The following RNLS variants were observed in gnomAD, a reference collection of about 807,000 sequenced individuals.
The protein encoded by RNLS is renalase, FAD dependent amine oxidase, also known as renalase.
A neutral mutation model predicts 39.8 loss-of-function variants in RNLS; 39 were observed. That is an observed-to-expected ratio of 0.98 (90% CI 0.76 to 1.28). The LOEUF (loss-of-function observed/expected upper bound fraction) is 1.28. Among genes scored for constraint, RNLS ranks in the 50% most tolerant of loss-of-function variants. RNLS has a pLI of 0.00. For synonymous variants in RNLS, 147 were observed against 150.7 expected, an observed-to-expected ratio of 0.98 and a Z score of 0.18; for missense variants, 410 against 413.3, an observed-to-expected ratio of 0.99 and a Z score of 0.07.
At chr10:88,204,147 G>T in the RNLS span, among the ~76,000 whole-genome samples, 2 of 152,254 alleles carry the variant, frequency 1.3e-5, no homozygotes, top group Admixed American at 6.5e-5. Context: ...TCAGACCATG[G>T]TCTGTGCTTG....
chr10:88,335,671 G>A (rs1422139293), intron 5 of RNLS, among the ~76,000 whole-genome samples: 1 of 152,186 alleles, frequency 6.6e-6, no homozygotes, highest in East Asian at 1.9e-4. Context: ...GAAGCAGGTG[G>A]AATGTAGTGG....
At chr10:88,191,889 A>G in the RNLS span, among the ~76,000 whole-genome samples, 4 of 152,070 alleles carry the variant, frequency 2.6e-5, no homozygotes, top group South Asian at 8.3e-4. Flanking sequence ...TGTACTTTTG[A>G]GAACATGCCA....
intron 4 of RNLS, among the ~76,000 whole-genome samples, chr10:88,443,644 C>A (rs1841859849): frequency 6.6e-6 from 1 of 152,264 alleles, no homozygotes; most frequent in Non-Finnish European, 1.5e-5. Flanking sequence ...ATGGTCTTAG[C>A]AAATGGCACA....
the RNLS span, among the ~76,000 whole-genome samples, chr10:88,197,070 A>C: frequency 6.6e-6 from 1 of 152,190 alleles, no homozygotes; most frequent in African/African-American, 2.4e-5. Flanking sequence ...ACAGGAGATG[A>C]AAGTGCATGC....
intron 4 of RNLS, among the ~76,000 whole-genome samples, chr10:88,367,955 C>A (rs1357803774): frequency 1.3e-5 from 2 of 151,972 alleles, no homozygotes; most frequent in South Asian, 4.1e-4. Flanking sequence ...TGCCTTTTAA[C>A]CCTCTTAATA....
chr10:88,418,372 C>T (rs938401141), intron 4 of RNLS, among the ~76,000 whole-genome samples: 1 of 152,242 alleles, frequency 6.6e-6, no homozygotes, highest in Admixed American at 6.5e-5. Context: ...ACCTTGACTC[C>T]TAACACTGGG....
At chr10:88,520,864 T>C (rs578156837) in intron 4 of RNLS, among the ~76,000 whole-genome samples, 1 of 152,104 alleles carries the variant, frequency 6.6e-6, no homozygotes, top group Non-Finnish European at 1.5e-5. Flanking sequence ...GATTTCACTT[T>C]TTTTCCCCTT....
At chr10:88,488,621 A>G (rs1305915079) in intron 4 of RNLS, among the ~76,000 whole-genome samples, 1 of 152,016 alleles carries the variant, frequency 6.6e-6, no homozygotes, top group African/African-American at 2.4e-5. Context: ...AACAATATAT[A>G]AATTAGAGAA....
intron 4 of RNLS, among the ~76,000 whole-genome samples, chr10:88,380,813 A>ATTATT (rs1468909617): frequency 6.6e-6 from 1 of 152,148 alleles, no homozygotes; most frequent in Admixed American, 6.5e-5. Context: ...TCTTGAATTT[A>ATTATT]TTATTTTACA....
At chr10:88,365,810 A>G (rs1443377633) in intron 4 of RNLS, among the ~76,000 whole-genome samples, 1 of 152,036 alleles carries the variant, frequency 6.6e-6, no homozygotes, top group East Asian at 1.9e-4. Flanking sequence ...AGGGTGAGAG[A>G]GAGGAACAGA....
intron 4 of RNLS, among the ~76,000 whole-genome samples, chr10:88,512,127 A>ACAC (rs2134158769): frequency 6.6e-6 from 1 of 152,332 alleles, no homozygotes; most frequent in Admixed American, 6.5e-5. Context: ...ACATACATGT[A>ACAC]CACTAAATAC....
chr10:88,392,495 G>A (rs1342384918), intron 4 of RNLS, among the ~76,000 whole-genome samples: 1 of 152,162 alleles, frequency 6.6e-6, no homozygotes, highest in Non-Finnish European at 1.5e-5. Context: ...GAGCCCTTAG[G>A]CAAAGATTGG....
At chr10:88,408,000 A>G (rs1853393758) in intron 4 of RNLS, among the ~76,000 whole-genome samples, 1 of 152,066 alleles carries the variant, frequency 6.6e-6, no homozygotes, top group South Asian at 2.1e-4. Context: ...TCCCACCCTC[A>G]TTCCCAGTAG....
At chr10:88,314,375 A>G in intron 6 of RNLS, 91 bp downstream of exon 6, 2 of 1,311,822 alleles carry the variant, frequency 1.5e-6, no homozygotes, top group Admixed American at 2.0e-5. Flanking sequence ...AATTTATTTC[A>G]CTAGAGAGTG....
At chr10:88,478,544 C>T (rs1843953701) in intron 4 of RNLS, among the ~76,000 whole-genome samples, 1 of 152,096 alleles carries the variant, frequency 6.6e-6, no homozygotes, top group South Asian at 2.1e-4. Flanking sequence ...CCCACATATA[C>T]CTCTAGTCAT....
intron 5 of RNLS, among the ~76,000 whole-genome samples, chr10:88,324,911 G>T (rs1846474494): frequency 6.6e-6 from 1 of 151,936 alleles, no homozygotes; most frequent in African/African-American, 2.4e-5. Context: ...TTGTCCTTTT[G>T]TAACTGGTTT....
At chr10:88,181,030 C>A in the RNLS span, among the ~76,000 whole-genome samples, 1 of 152,274 alleles carries the variant, frequency 6.6e-6, no homozygotes, top group South Asian at 2.1e-4. Flanking sequence ...TCCCTGGAAT[C>A]TGTGAATATG....
In RNLS at chr10:88,458,410, C is replaced by T. The variant is rs11202753; in HGVS notation, c.527-95685G>A. Among the ~76,000 whole-genome samples the T allele has an allele frequency of 9.4e-3, 1,430 of 152,266 alleles. 10 individuals carry two copies. The highest frequency in any genetic ancestry group is 0.02 in the Middle Eastern group (6 of 294). On this transcript the variant is annotated intron_variant, in intron 4 of 6. Coordinates refer to ENST00000331772, the MANE Select transcript of RNLS (RefSeq NM_001031709.3). ...TCTTCCCCCTCCTCTTTGCTTCTTT[C>T]CCATCCCTCTATCTCTAAACACTTC...
At chr10:88,332,475 G>T (rs1847188214) in intron 5 of RNLS, among the ~76,000 whole-genome samples, 1 of 152,214 alleles carries the variant, frequency 6.6e-6, no homozygotes, top group Admixed American at 6.5e-5. Context: ...TTATGTCCCT[G>T]GAGGTAGGGG....
Sources: gnomAD v4.1 joint callset for allele counts (sites outside exome capture counted in the v4.1 genomes callset) on GRCh38, gnomAD v4.1.1 for gene constraint, MANE v1.5 for transcripts, NCBI Gene and HGNC (gene_info 2026-07-23, HGNC 2026-07-21) for gene names.